LUZP2: variants seen among roughly 807,000 people sequenced by gnomAD.
LUZP2 encodes leucine zipper protein 2.
In LUZP2, 52 loss-of-function variants were observed where a neutral mutation model predicts 51.6. That is an observed-to-expected ratio of 1.01 (90% CI 0.81 to 1.27). The LOEUF (loss-of-function observed/expected upper bound fraction) is 1.27, where lower values mean the gene tolerates loss of function less well. Among genes scored for constraint, LUZP2 ranks in the 50% most tolerant of loss-of-function variants. The probability of loss-of-function intolerance (pLI) is 0.00; values close to 1 mark genes in which losing one functional copy is unlikely to be tolerated. For synonymous variants in LUZP2, 154 were observed against 137.3 expected (o/e 1.12, Z -0.85); for missense variants, 436 against 395.4 (o/e 1.10, Z -0.87).
At chr11:25,033,800 C>T (rs888525499) in intron 9 of LUZP2, among the ~76,000 whole-genome samples, 1 of 151,948 alleles carries the variant, frequency 6.6e-6, no homozygotes, top group Non-Finnish European at 1.5e-5. Flanking sequence ...TTTTCATGTA[C>T]ACATTTTCTT....
chr11:24,758,877 CATTG>C (rs1347718379), intron 4 of LUZP2, among the ~76,000 whole-genome samples: 3 of 151,232 alleles, frequency 2.0e-5, no homozygotes, highest in African/African-American at 2.4e-5. Flanking sequence ...ATCATTTTTT[CATTG>C]ATTGAAAAAA....
chr11:24,698,055 A>T (rs1404041417), intron 1 of LUZP2, among the ~76,000 whole-genome samples: 1 of 152,130 alleles, frequency 6.6e-6, no homozygotes, highest in Non-Finnish European at 1.5e-5. Flanking sequence ...TCCTTAAAAA[A>T]TCCTAGCCTC....
chr11:24,657,419 G>A (rs1332248719), intron 1 of LUZP2, among the ~76,000 whole-genome samples: 1 of 152,062 alleles, frequency 6.6e-6, no homozygotes, highest in Non-Finnish European at 1.5e-5. Flanking sequence ...GTATTGATGG[G>A]ACATATTTCA....
intron 5 of LUZP2, among the ~76,000 whole-genome samples, chr11:24,837,825 TC>T (rs1457528750): frequency 6.6e-6 from 1 of 151,608 alleles, no homozygotes; most frequent in Non-Finnish European, 1.5e-5. Flanking sequence ...CCCTTTACTG[TC>T]CCCCATCTTA....
chr11:25,071,238 A>T lies in LUZP2; in HGVS notation c.859-6091A>T, dbSNP rs118011869. 6.9e-3 allele frequency among the ~76,000 whole-genome samples: 1,053 copies of T among 152,124 alleles called. 35 individuals are homozygous for T. In the East Asian group the frequency reaches 0.1, roughly 14 times the overall value. On this transcript the variant is annotated intron_variant, in intron 10 of 11. Transcript: ENST00000336930. ...AAGTTGAAACAGAATTACCATCTGT[A>T]ATTTATTTCACATATATTTATATGT...
chr11:24,955,939 A>C (rs902656045), intron 7 of LUZP2, among the ~76,000 whole-genome samples: 4 of 152,064 alleles, frequency 2.6e-5, no homozygotes, highest in Non-Finnish European at 4.4e-5. Flanking sequence ...TGGATCATGC[A>C]GAATGACTTT....
chr11:24,662,748 T>A (rs1856063401), intron 1 of LUZP2, among the ~76,000 whole-genome samples: 1 of 152,072 alleles, frequency 6.6e-6, no homozygotes, highest in South Asian at 2.1e-4. Flanking sequence ...ATCTTAAACA[T>A]TTCTGGGAAA....
At chr11:24,552,777 A>G (rs998050598) in intron 1 of LUZP2, among the ~76,000 whole-genome samples, 1 of 151,928 alleles carries the variant, frequency 6.6e-6, no homozygotes, top group Non-Finnish European at 1.5e-5. Flanking sequence ...AAACATTTAA[A>G]TCCTGACAAG....
intron 5 of LUZP2, among the ~76,000 whole-genome samples, chr11:24,875,038 A>T (rs1220657631): frequency 6.6e-6 from 1 of 152,154 alleles, no homozygotes; most frequent in Non-Finnish European, 1.5e-5. Flanking sequence ...ATATAAACAG[A>T]GGAGACGCTA....
At chr11:24,826,848 A>G (rs1271440512) in intron 5 of LUZP2, among the ~76,000 whole-genome samples, 2 of 152,192 alleles carry the variant, frequency 1.3e-5, no homozygotes, top group Non-Finnish European at 2.9e-5. Flanking sequence ...AGCATGATTT[A>G]AAGTAGAACT....
At chr11:24,870,309 C>A (rs1418569836) in intron 5 of LUZP2, among the ~76,000 whole-genome samples, 4 of 152,140 alleles carry the variant, frequency 2.6e-5, no homozygotes, top group African/African-American at 9.7e-5. Context: ...ATTCTGAATG[C>A]TTATGAAATG....
intron 10 of LUZP2, among the ~76,000 whole-genome samples, chr11:25,059,709 C>A (rs1166420662): frequency 6.6e-6 from 1 of 152,052 alleles, no homozygotes; most frequent in Non-Finnish European, 1.5e-5. Flanking sequence ...TATTTTCTTT[C>A]CCTGTTAAAT....
At chr11:24,589,927 T>C (rs767298721) in intron 1 of LUZP2, among the ~76,000 whole-genome samples, 11 of 9,400 alleles carry the variant, frequency 1.2e-3, no homozygotes, top group East Asian at 8.8e-3. Flanking sequence ...ACCGAAGTAA[T>C]TGGGGTTTGA....
intron 9 of LUZP2, among the ~76,000 whole-genome samples, chr11:25,032,896 A>G (rs1590858771): frequency 6.6e-6 from 1 of 152,304 alleles, no homozygotes; most frequent in Non-Finnish European, 1.5e-5. Flanking sequence ...AAATTTGAGA[A>G]AAATCCAAGA....
chr11:24,890,846 G>GAA, intron 5 of LUZP2: 3 of 885,628 alleles, frequency 3.4e-6, no homozygotes, highest in Non-Finnish European at 4.0e-6. Context: ...ATCACATATA[G>GAA]AAAAAATATA....
chr11:24,797,761 A>C lies in LUZP2; in HGVS notation c.396+34453A>C, dbSNP rs79375206. Among the ~76,000 whole-genome samples, 1,483 of 152,298 alleles carry C rather than the reference A, an allele frequency of 9.7e-3. 21 individuals carry two copies. Among genetic ancestry groups the C allele is most frequent in the African/African-American group, 0.03 (1,266 of 41,568 alleles). On this transcript the variant is annotated intron_variant, in intron 5 of 11. Transcript: ENST00000336930. The stretch of plus-strand genomic sequence containing the variant: ...AGGATTCATGCCAGAAAAATCTATG[A>C]AACAGCTGACATAGTTTAGGAGTTC...
At chr11:24,693,922 G>GA (rs2133894328) in intron 1 of LUZP2, among the ~76,000 whole-genome samples, 1 of 151,648 alleles carries the variant, frequency 6.6e-6, no homozygotes, top group South Asian at 2.1e-4. Context: ...CAGATTTGAA[G>GA]AAAAAAATTA....
At chr11:24,687,954 A>T (rs967936606) in intron 1 of LUZP2, among the ~76,000 whole-genome samples, 2 of 152,118 alleles carry the variant, frequency 1.3e-5, no homozygotes, top group African/African-American at 4.8e-5. Flanking sequence ...CCTGGAGACA[A>T]GTTTCGGCTT....
intron 5 of LUZP2, chr11:24,785,764 G>A (rs1460261495): frequency 1.9e-6 from 1 of 539,442 alleles, no homozygotes; most frequent in East Asian, 1.5e-4. Context: ...TAAACTGTTA[G>A]AGACAGAAGA....
Sources: allele counts gnomAD v4.1 joint callset (sites outside exome capture counted in the v4.1 genomes callset), GRCh38; gene constraint gnomAD v4.1.1; transcripts MANE v1.5; gene names NCBI Gene and HGNC (gene_info 2026-07-23, HGNC 2026-07-21).